The following FAAP20 variants were observed in gnomAD, a reference collection of about 807,000 sequenced individuals.
FAAP20 encodes the protein Fanconi anemia core complex-associated protein 20.
FAAP20 carries 12 observed loss-of-function variants against 16.2 expected under a neutral mutation model. The ratio of observed to expected loss-of-function variants is 0.74; its 90% CI spans 0.48 to 1.20. FAAP20 has a LOEUF of 1.20. FAAP20 is among the 50% of genes most tolerant of loss of function. FAAP20 has a pLI of 0.00. For synonymous variants in FAAP20, 141 were observed against 110.7 expected (o/e 1.27, Z -1.72); for missense variants, 288 against 245.8 (o/e 1.17, Z -1.15).
downstream of FAAP20, among the ~76,000 whole-genome samples, chr1:2,208,508 C>T (rs958257103): frequency 7.2e-5 from 11 of 152,276 alleles, no homozygotes; most frequent in South Asian, 2.1e-4. Context: ...GAGGTGGACC[C>T]GCGTGCGGAA....
downstream of FAAP20, chr1:2,187,104 G>A (rs1404000223): frequency 4.4e-6 from 2 of 459,728 alleles, no homozygotes; most frequent in African/African-American, 2.0e-5. Context: ...TGGGCGTGGT[G>A]CGGGGCAACT....
At chr1:2,199,707 C>G, upstream of FAAP20, 3 of 890,536 alleles carry the variant, frequency 3.4e-6, no homozygotes, top group Non-Finnish European at 4.0e-6. The surrounding 1 kb of genome is among the most constrained non-coding windows in gnomAD (Gnocchi z 4.5). Flanking sequence ...AGGTCTGTGC[C>G]GATATAATCA....
downstream of FAAP20, chr1:2,185,916 C>CCTA (rs1553181673): frequency 2.9e-6 from 1 of 343,448 alleles, no homozygotes. Context: ...ACGTGATGAC[C>CCTA]CTACAAACAC....
chr1:2,187,304 TTTTTTTTTTCTTTTTTTTGAGAC>T (rs983059301), downstream of FAAP20: 125 of 367,014 alleles, frequency 3.4e-4, 2 homozygotes, highest in South Asian at 2.4e-3. Flanking sequence ...TTTCTTTTTC[TTTTTTTTTTCTTTTTTTTGAGAC>T]AGAGTATTAC....
chr1:2,203,485 G>C, upstream of FAAP20: 1 of 985,704 alleles, frequency 1.0e-6, no homozygotes, highest in Non-Finnish European at 1.2e-6. Flanking sequence ...AGGTGTTCTC[G>C]CTCTGGGGTT....
chr1:2,209,648 A>G (rs1451211289), downstream of FAAP20, among the ~76,000 whole-genome samples: 3 of 152,200 alleles, frequency 2.0e-5, no homozygotes, highest in Non-Finnish European at 4.4e-5. Context: ...TCCTGAGCCA[A>G]CAGGGGGAGG....
upstream of FAAP20, chr1:2,201,282 T>C: frequency 8.8e-7 from 1 of 1,142,838 alleles, no homozygotes; most frequent in South Asian, 1.7e-5. Context: ...CTCCAGAGGG[T>C]CAGGGACACG....
At chr1:2,190,512 A>G (rs1243900584) in intron 3 of FAAP20, 2 of 432,556 alleles carry the variant, frequency 4.6e-6, no homozygotes, top group Non-Finnish European at 9.4e-6. Context: ...CATCAGCCCA[A>G]CTGGAGCGGC....
chr1:2,194,136 GGGGCAGACAGAGA>G lies in FAAP20; in HGVS notation c.63-16_63-4del. On this transcript the variant is annotated splice_region_variant and splice_polypyrimidine_tract_variant and intron_variant, in intron 1 of 3. Coordinates refer to ENST00000378546, the MANE Select transcript of FAAP20 (RefSeq NM_182533.4). ...ACCAGGGGCGGCCGCCAGAAGGCCTGGGGCAGACAGAGAGGGCAGACAGGGGGTACTCAGTAGC... is the reference window on the plus strand; with the variant it reads ...ACCAGGGGCGGCCGCCAGAAGGCCTGGGGCAGACAGGGGGTACTCAGTAGC... The G allele has an allele frequency of 1.2e-6, 2 of 1,612,068 alleles. No homozygotes were observed. The highest frequency in any genetic ancestry group is 2.2e-5 in the South Asian group (2 of 91,046).
intron 1 of FAAP20, among the ~76,000 whole-genome samples, chr1:2,206,893 G>T (rs1689279218): frequency 6.6e-6 from 1 of 150,896 alleles, no homozygotes; most frequent in Non-Finnish European, 1.5e-5. Context: ...ACGGCCTCCT[G>T]CCTGGGAGGT....
chr1:2,189,997 A>T (rs983293248), intron 3 of FAAP20: 1 of 620,516 alleles, frequency 1.6e-6, no homozygotes, highest in Non-Finnish European at 2.9e-6. Flanking sequence ...AGGCCACGCC[A>T]GGCCCCTGCG....
upstream of FAAP20, among the ~76,000 whole-genome samples, chr1:2,197,599 C>T (rs1458183414): frequency 6.6e-6 from 1 of 152,240 alleles, no homozygotes; most frequent in Non-Finnish European, 1.5e-5. Context: ...GAAGAGGAGC[C>T]AGGGCCCCAG....
Position 2,194,072 on chromosome 1 carries a change from C to G in FAAP20, c.124G>C (p.Glu42Gln). Residue 42 changes from glutamate to glutamine, a missense_variant, in exon 2 of 4, where the codon GAG (glutamate) becomes CAG (glutamine). Transcript: ENST00000378546. ...TCCGGGCTCACCGTGCGCAGTAGCTCGGCCCAGAGCCGCTCCCGCTCATCA... is the reference window on the plus strand; with the variant it reads ...TCCGGGCTCACCGTGCGCAGTAGCTGGGCCCAGAGCCGCTCCCGCTCATCA... ...GGDERERLWA[E>Q]LLRTVSPELI... 1 of 1,612,554 alleles carries G rather than the reference C, an allele frequency of 6.2e-7. No individual in the cohort carries two copies. Among genetic ancestry groups the G allele is most frequent in the Non-Finnish European group, 8.5e-7 (1 of 1,179,944 alleles).
upstream of FAAP20, chr1:2,199,391 C>G: frequency 1.2e-5 from 12 of 1,024,734 alleles, no homozygotes; most frequent in Non-Finnish European, 1.4e-5. The surrounding 1 kb of genome is among the most constrained non-coding windows in gnomAD (Gnocchi z 4.5). Flanking sequence ...GGAGAAGCTT[C>G]CCCAGCCCAG....
In FAAP20 at chr1:2,199,800, G is replaced by C. The variant is rs149274460; in HGVS notation, n.108C>G. 1 of 291,360 alleles carries C rather than the reference G, an allele frequency of 3.4e-6. No individual in the cohort carries two copies. The highest frequency in any genetic ancestry group is 5.1e-6 in the Non-Finnish European group (1 of 195,398). The allele number at this position is 291,360 out of a possible 1,614,324, so 18.0% of individuals were successfully genotyped here. On this transcript the variant is annotated non_coding_transcript_exon_variant, in exon 1 of 4. Transcript: ENST00000401813. The surrounding 1 kb of genome is among the most constrained non-coding windows in gnomAD (Gnocchi z 4.5). ...TCTTGTAAGAAAAGGAAAATTGTCC[G>C]GGTGCAGTGTCTCACGCCTGCAATC...
chr1:2,185,199 C>A, downstream of FAAP20: 1 of 708,024 alleles, frequency 1.4e-6, no homozygotes, highest in South Asian at 1.5e-5. Flanking sequence ...TGGGCCCGGG[C>A]AGGCCAGCTT....
At chr1:2,187,245 G>A, downstream of FAAP20, 1 of 446,546 alleles carries the variant, frequency 2.2e-6, no homozygotes, top group South Asian at 1.7e-5. Context: ...TTCATTAAAA[G>A]CAGGTGTTTC....
downstream of FAAP20, chr1:2,184,866 C>T (rs1399640039): frequency 6.6e-7 from 1 of 1,505,912 alleles, no homozygotes; most frequent in East Asian, 2.3e-5. Context: ...ACTCCGCTTC[C>T]CCCAAGGGAA....
downstream of FAAP20, among the ~76,000 whole-genome samples, chr1:2,186,521 C>G (rs566143364): frequency 2.3e-5 from 3 of 132,992 alleles, no homozygotes; most frequent in African/African-American, 8.4e-5. Flanking sequence ...GCTCAGGCTT[C>G]TAGGTGGAAT....
Sources: gnomAD v4.1 joint callset for allele counts (sites outside exome capture counted in the v4.1 genomes callset) on GRCh38, gnomAD v4.1.1 for gene constraint, Gnocchi (gnomAD v3.1) non-coding constraint, MANE v1.5 for transcripts, NCBI Gene and HGNC (gene_info 2026-07-23, HGNC 2026-07-21) for gene names.